Variants in C12orf42 observed in about 807,000 individuals in gnomAD.
C12orf42 encodes chromosome 12 open reading frame 42.
C12orf42 carries 25 observed loss-of-function variants against 21.6 expected under a neutral mutation model. The observed-to-expected ratio is 1.16, with a 90% confidence interval of 0.84 to 1.62. The LOEUF (loss-of-function observed/expected upper bound fraction) is 1.62, where lower values mean the gene tolerates loss of function less well. Ranked by LOEUF, C12orf42 falls within the 40% of genes most tolerant of loss-of-function variation. The pLI, the probability that C12orf42 is intolerant of heterozygous loss-of-function variation, is 0.00. For synonymous variants in C12orf42, 174 were observed against 175.0 expected (o/e 0.99, Z 0.05); for missense variants, 483 against 459.3 (o/e 1.05, Z -0.47).
In C12orf42 at chr12:103,484,050, C is replaced by T. The variant is rs139147810; in HGVS notation, c.-21-5603G>A. On this transcript the variant is annotated intron_variant, in intron 1 of 5. Coordinates refer to ENST00000548883, the MANE Select transcript of C12orf42 (RefSeq NM_198521.5). ...TGTATACGTGCCACATTTTCTTAAT[C>T]GAGTCTATCATTGATGGACATTTAG... 3.6e-3 allele frequency among the ~76,000 whole-genome samples: 542 copies of T among 152,250 alleles called. 6 individuals carry two copies. Among genetic ancestry groups the T allele is most frequent in the African/African-American group, 0.012 (507 of 41,538 alleles).
At chr12:103,081,656 T>A in the C12orf42 span, 2 of 152,178 alleles carry the variant, frequency 1.3e-5, no homozygotes, top group African/African-American at 2.4e-5. Context: ...TTGGAAATAA[T>A]TTTTTCTCTC....
At chr12:103,362,045 C>T (rs1461499469) in intron 4 of C12orf42, among the ~76,000 whole-genome samples, 1 of 152,150 alleles carries the variant, frequency 6.6e-6, no homozygotes, top group Non-Finnish European at 1.5e-5. Flanking sequence ...GGCAGGAGGC[C>T]AACCAGCACA....
At chr12:103,318,056 C>T (rs1244932313) in intron 4 of C12orf42, among the ~76,000 whole-genome samples, 1 of 152,122 alleles carries the variant, frequency 6.6e-6, no homozygotes, top group Non-Finnish European at 1.5e-5. Flanking sequence ...AATCTCAGCA[C>T]TTTAGGAGGC....
rs1210519111 is a variant in C12orf42 at position 103,427,284 on chromosome 12, C to CA, written c.79-25610dup. Among the ~76,000 whole-genome samples the CA allele has an allele frequency of 8.5e-3, 335 of 39,292 alleles. 4 individuals carry two copies. Among genetic ancestry groups the CA allele is most frequent in the African/African-American group, 0.024 (273 of 11,370 alleles). 25.8% of individuals were successfully genotyped at this position (39,292 alleles called of 152,430 possible). A position where few individuals can be genotyped will look rare whatever the true frequency, so the allele number is the denominator to read the frequency against. ...GAATATTTACCAAGCAAATGGAAAG[C>CA]AAAAAAAAAAGAAAAAAAAAAAAAG... On this transcript the variant is annotated intron_variant, in intron 2 of 5. Transcript: ENST00000548883.
At chr12:103,277,115 C>T (rs1405288209) in intron 5 of C12orf42, 5 of 455,448 alleles carry the variant, frequency 1.1e-5, no homozygotes, top group Admixed American at 9.4e-5. Context: ...AATTCAACAA[C>T]TTACGCTAGC....
rs138439930 is a variant in C12orf42 at position 103,461,503 on chromosome 12, T to G, written c.78+16846A>C. 2.1e-4 allele frequency among the ~76,000 whole-genome samples: 32 copies of G among 152,326 alleles called. No individual in the cohort carries two copies. In the East Asian group the frequency reaches 6.2e-3, roughly 29 times the overall value. ...GACCCACTTTGCATTATAAAATATT[T>G]CCATAACATGTACAGACATGTGAAC... On this transcript the variant is annotated intron_variant, in intron 2 of 5. Transcript: ENST00000548883.
At chr12:103,521,469 G>T in the C12orf42 span, among the ~76,000 whole-genome samples, 1 of 152,118 alleles carries the variant, frequency 6.6e-6, no homozygotes, top group African/African-American at 2.4e-5. Context: ...TTATAAGTGG[G>T]AGCTGAACAA....
the C12orf42 span, among the ~76,000 whole-genome samples, chr12:103,086,014 C>T: frequency 6.6e-6 from 1 of 152,162 alleles, no homozygotes; most frequent in Non-Finnish European, 1.5e-5. Context: ...ACACGGAGCT[C>T]CAATACCTCA....
the C12orf42 span, among the ~76,000 whole-genome samples, chr12:103,149,582 TC>T: frequency 0.3 from 44,993 of 151,880 alleles, 7,063 homozygotes; most frequent in East Asian, 0.4. Flanking sequence ...GGGGGCGGTT[TC>T]CCCCATGTTG....
the C12orf42 span, among the ~76,000 whole-genome samples, chr12:103,055,441 T>G: frequency 9.9e-4 from 151 of 152,060 alleles, no homozygotes; most frequent in African/African-American, 3.5e-3. Flanking sequence ...ATTTTTGTCT[T>G]CTCTCTCATT....
At chr12:103,408,155 T>C (rs1415919306) in intron 2 of C12orf42, among the ~76,000 whole-genome samples, 2 of 152,182 alleles carry the variant, frequency 1.3e-5, no homozygotes, top group African/African-American at 4.8e-5. Flanking sequence ...GCCCTGATTG[T>C]GGGCACCTTG....
At chr12:103,561,301 T>C in the C12orf42 span, among the ~76,000 whole-genome samples, 1 of 152,168 alleles carries the variant, frequency 6.6e-6, no homozygotes, top group Non-Finnish European at 1.5e-5. Context: ...AGAAAGGGTT[T>C]GCCTTAGTTT....
chr12:103,111,087 C>A, the C12orf42 span, among the ~76,000 whole-genome samples: 21,720 of 152,052 alleles, frequency 0.14, 1,679 homozygotes, highest in East Asian at 0.26. Context: ...GTGAATTTAA[C>A]CTAGTTTGGG....
chr12:103,493,593 G>A (rs1331119029), intron 1 of C12orf42, among the ~76,000 whole-genome samples: 1 of 151,686 alleles, frequency 6.6e-6, no homozygotes, highest in Non-Finnish European at 1.5e-5. Context: ...TAAACCAAAG[G>A]GAACCTCCCT....
chr12:103,147,503 CTTTTTTTTTTT>C, the C12orf42 span, among the ~76,000 whole-genome samples: 4 of 99,970 alleles, frequency 4.0e-5, no homozygotes, highest in African/African-American at 1.6e-4. Flanking sequence ...CTTTTTTTTT[CTTTTTTTTTTT>C]TTTTTTGGTT....
At chr12:103,370,446 A>C (rs2045090921) in intron 3 of C12orf42, among the ~76,000 whole-genome samples, 1 of 152,166 alleles carries the variant, frequency 6.6e-6, no homozygotes, top group Non-Finnish European at 1.5e-5. Context: ...TCCTTGCAGC[A>C]CTATTCACAA....
At chr12:103,258,456 G>A (rs1039796782) in intron 10 of C12orf42, among the ~76,000 whole-genome samples, 7 of 152,052 alleles carry the variant, frequency 4.6e-5, no homozygotes, top group East Asian at 1.9e-4. Flanking sequence ...CATTATACCA[G>A]TGGTCCAAGC....
chr12:103,426,061 G>A (rs1479328432), intron 2 of C12orf42, among the ~76,000 whole-genome samples: 2 of 152,226 alleles, frequency 1.3e-5, no homozygotes, highest in Non-Finnish European at 2.9e-5. Flanking sequence ...CTTCTCCAAA[G>A]GATCACAACT....
intron 10 of C12orf42, among the ~76,000 whole-genome samples, chr12:103,254,685 C>T (rs968612762): frequency 6.6e-6 from 1 of 152,206 alleles, no homozygotes. Flanking sequence ...ACTGCGTGTC[C>T]TCACTTATAA....
Sources: allele counts gnomAD v4.1 joint callset (sites outside exome capture counted in the v4.1 genomes callset), GRCh38; gene constraint gnomAD v4.1.1; transcripts MANE v1.5; gene names NCBI Gene and HGNC (gene_info 2026-07-23, HGNC 2026-07-21).